MAPK8: variants seen among roughly 807,000 people sequenced by gnomAD.
The protein encoded by MAPK8 is JUN N-terminal kinase.
In MAPK8, 13 loss-of-function variants were observed where a neutral mutation model predicts 52.9. The observed-to-expected ratio is 0.25, with a 90% CI of 0.16 to 0.39. The LOEUF is 0.39. Ranked by LOEUF, MAPK8 falls within the 10% of genes least tolerant of loss-of-function variation. MAPK8 has a pLI of 1.00. For synonymous variants in MAPK8, 191 were observed against 169.8 expected, an observed-to-expected ratio of 1.12 and a Z score of -0.97; for missense variants, 300 against 519.2, an observed-to-expected ratio of 0.58 and a Z score of 4.10.
intron 1 of MAPK8, among the ~76,000 whole-genome samples, chr10:48,360,488 G>A (rs1005667671): frequency 6.6e-5 from 10 of 152,170 alleles, no homozygotes; most frequent in African/African-American, 2.4e-4. Flanking sequence ...AAGCAAATGT[G>A]TGGGGGAGGC....
At chr10:48,360,035 C>T (rs2698766) in intron 1 of MAPK8, among the ~76,000 whole-genome samples, 81,558 of 151,890 alleles carry the variant, frequency 0.54, 22,129 homozygotes, top group Middle Eastern at 0.73. Flanking sequence ...GGTTTGGCAG[C>T]ATGCACCTGT....
At chr10:48,420,412 G>T in intron 6 of MAPK8, 92 bp downstream of exon 6, 1 of 1,213,102 alleles carries the variant, frequency 8.2e-7, no homozygotes, top group Non-Finnish European at 1.1e-6. Flanking sequence ...GCAGAAGTAC[G>T]TTGAGTTAAA....
chr10:48,329,458 T>A (rs551840329), intron 1 of MAPK8, among the ~76,000 whole-genome samples: 30 of 152,146 alleles, frequency 2.0e-4, no homozygotes, highest in African/African-American at 7.0e-4. Context: ...ACTCTGGCCA[T>A]GAGACAACGT....
intron 1 of MAPK8, among the ~76,000 whole-genome samples, chr10:48,374,583 A>G (rs997321796): frequency 1.3e-5 from 2 of 152,180 alleles, no homozygotes; most frequent in Admixed American, 6.5e-5. Context: ...AGAAATACCA[A>G]CTACCATCAG....
intron 1 of MAPK8, among the ~76,000 whole-genome samples, chr10:48,312,722 G>A (rs538434287): frequency 7.2e-5 from 11 of 152,274 alleles, no homozygotes; most frequent in African/African-American, 1.7e-4. Flanking sequence ...TTGAGAAAGC[G>A]TCACTTTTCA....
At chr10:48,362,423 A>C (rs191581735) in intron 1 of MAPK8, among the ~76,000 whole-genome samples, 38 of 151,958 alleles carry the variant, frequency 2.5e-4, no homozygotes, top group African/African-American at 8.9e-4. Flanking sequence ...TAGTTTCTCT[A>C]TTTCTTGGGA....
At chr10:48,307,770 C>T (rs1841547776) in intron 1 of MAPK8, among the ~76,000 whole-genome samples, 1 of 152,204 alleles carries the variant, frequency 6.6e-6, no homozygotes, top group South Asian at 2.1e-4. Flanking sequence ...GATAAGCATC[C>T]AGCAAGTACC....
At chr10:48,373,526 C>G (rs2040452721) in intron 1 of MAPK8, among the ~76,000 whole-genome samples, 1 of 105,884 alleles carries the variant, frequency 9.4e-6, no homozygotes, top group Non-Finnish European at 1.8e-5. Flanking sequence ...CACACATAAG[C>G]TCAAAATAAA....
chr10:48,411,778 C>G (rs2042761657), intron 5 of MAPK8, among the ~76,000 whole-genome samples: 1 of 151,980 alleles, frequency 6.6e-6, no homozygotes, highest in Non-Finnish European at 1.5e-5. Flanking sequence ...TCCTTCTCTT[C>G]TTTTTTCTTT....
chr10:48,383,501 G>T (rs1308231075), intron 1 of MAPK8, among the ~76,000 whole-genome samples: 2 of 152,120 alleles, frequency 1.3e-5, no homozygotes, highest in Non-Finnish European at 2.9e-5. Context: ...ATTAACCAAA[G>T]AAAGGAATTT....
intron 5 of MAPK8, among the ~76,000 whole-genome samples, chr10:48,411,682 G>A (rs2042754692): frequency 6.6e-6 from 1 of 152,072 alleles, no homozygotes; most frequent in Admixed American, 6.5e-5. Flanking sequence ...GTATTTCATT[G>A]CATCTGTAGA....
chr10:48,424,281 T>C (rs1257784457), intron 7 of MAPK8, 122 bp downstream of exon 7: 3 of 918,466 alleles, frequency 3.3e-6, no homozygotes, highest in Non-Finnish European at 4.9e-6. Context: ...AGTTTGTGGC[T>C]ATTATAGTTC....
intron 1 of MAPK8, among the ~76,000 whole-genome samples, chr10:48,358,034 A>G (rs548515033): frequency 3.3e-5 from 5 of 152,290 alleles, no homozygotes; most frequent in Admixed American, 2.0e-4. Context: ...CTTTGTTTCT[A>G]TCTACCACAT....
intron 1 of MAPK8, among the ~76,000 whole-genome samples, chr10:48,309,301 C>A (rs1564460955): frequency 6.6e-6 from 1 of 152,130 alleles, no homozygotes; most frequent in African/African-American, 2.4e-5. Flanking sequence ...TTGTCATCAC[C>A]CCAAGAAGAA....
intron 5 of MAPK8, among the ~76,000 whole-genome samples, chr10:48,415,953 C>A (rs139766179): frequency 6.6e-6 from 1 of 152,126 alleles, no homozygotes; most frequent in African/African-American, 2.4e-5. Context: ...CTACTGGGGT[C>A]TGTTATCTAT....
chr10:48,357,841 G>A (rs571079986), intron 1 of MAPK8, among the ~76,000 whole-genome samples: 3 of 152,260 alleles, frequency 2.0e-5, no homozygotes, highest in African/African-American at 7.2e-5. Context: ...CCCTGTATCC[G>A]TTACGTAGTC....
intron 1 of MAPK8, among the ~76,000 whole-genome samples, chr10:48,364,573 A>G (rs991845068): frequency 6.6e-6 from 1 of 152,210 alleles, no homozygotes; most frequent in African/African-American, 2.4e-5. Context: ...TGATGCTCTC[A>G]ATAATTTGGA....
intron 1 of MAPK8, among the ~76,000 whole-genome samples, chr10:48,379,938 T>TAAAAAAA (rs373050540): frequency 1.7e-5 from 2 of 115,868 alleles, no homozygotes; most frequent in African/African-American, 3.4e-5. Flanking sequence ...ACAAAGCTCT[T>TAAAAAAA]AAAAAAAAAA....
intron 1 of MAPK8, among the ~76,000 whole-genome samples, chr10:48,334,444 C>A (rs1056497038): frequency 6.6e-6 from 1 of 152,118 alleles, no homozygotes; most frequent in South Asian, 2.1e-4. Flanking sequence ...CACACACACT[C>A]GACCTCCAAA....
Sources: gnomAD v4.1 joint callset for allele counts (sites outside exome capture counted in the v4.1 genomes callset) on GRCh38, gnomAD v4.1.1 for gene constraint, MANE v1.5 for transcripts, NCBI Gene and HGNC (gene_info 2026-07-23, HGNC 2026-07-21) for gene names.